TMEM41B: variants seen among roughly 807,000 people sequenced by gnomAD.
TMEM41B encodes protein stasimon.
TMEM41B carries 18 observed loss-of-function variants against 31.9 expected under a neutral mutation model. The ratio of observed to expected loss-of-function variants is 0.56; its 90% confidence interval spans 0.39 to 0.84. The LOEUF (loss-of-function observed/expected upper bound fraction) is 0.84, where lower values mean the gene tolerates loss of function less well. Ranked by LOEUF, TMEM41B falls within the 40% of genes least tolerant of loss-of-function variation. The pLI is 0.00. For synonymous variants in TMEM41B, 144 were observed against 124.3 expected (o/e 1.16, Z -1.05); for missense variants, 322 against 348.0 (o/e 0.93, Z 0.59).
rs74627095 is a variant in TMEM41B, at chr11:9,293,303, A to C, written c.368+1956T>G. Among the ~76,000 whole-genome samples the C allele has an allele frequency of 3.3e-3, 498 of 152,270 alleles. 2 individuals are homozygous for C. Among genetic ancestry groups the C allele is most frequent in the Middle Eastern group, 0.017 (5 of 294 alleles). ...TTTCTCGTAGAAACTGGGTCTAGCTACATTGCCCAAGCCAGTCTCGAACCA... is the reference window on the plus strand; with the variant it reads ...TTTCTCGTAGAAACTGGGTCTAGCTCCATTGCCCAAGCCAGTCTCGAACCA... On this transcript the variant is annotated intron_variant, in intron 3 of 6. Transcript: ENST00000528080.
At chr11:9,301,717 G>T (rs1434228211) in intron 1 of TMEM41B, among the ~76,000 whole-genome samples, 2 of 152,134 alleles carry the variant, frequency 1.3e-5, no homozygotes, top group East Asian at 3.8e-4. Flanking sequence ...AATCATTACT[G>T]GCTGACCAGA....
At chr11:9,302,830 AG>A (rs1853290365) in intron 1 of TMEM41B, among the ~76,000 whole-genome samples, 1 of 98,874 alleles carries the variant, frequency 1.0e-5, no homozygotes, top group Non-Finnish European at 2.2e-5. Context: ...CCAAAGAAGA[AG>A]GGTATACTAT....
chr11:9,296,998 A>G (rs1044686750), intron 2 of TMEM41B, among the ~76,000 whole-genome samples: 6 of 152,138 alleles, frequency 3.9e-5, no homozygotes, highest in Non-Finnish European at 7.4e-5. Flanking sequence ...TCATAGCTCA[A>G]TATTACCTCC....
chr11:9,294,449 T>C (rs916036091), intron 3 of TMEM41B, among the ~76,000 whole-genome samples: 10 of 149,946 alleles, frequency 6.7e-5, no homozygotes, highest in Non-Finnish European at 1.3e-4. Flanking sequence ...GACCAGAGAT[T>C]GTGCCTCCAG....
intron 3 of TMEM41B, among the ~76,000 whole-genome samples, chr11:9,294,063 T>C (rs1049687366): frequency 6.6e-6 from 1 of 150,986 alleles, no homozygotes; most frequent in Non-Finnish European, 1.5e-5. Context: ...TGCCTGTGGT[T>C]CCAGCTACTC....
chr11:9,312,851 C>A (rs149771018), intron 1 of TMEM41B, among the ~76,000 whole-genome samples: 8,716 of 147,482 alleles, frequency 0.059, 345 homozygotes, highest in South Asian at 0.1. Flanking sequence ...TTGCAGTGAG[C>A]CAAGATTGCG....
chr11:9,313,906 C>T (rs749132304), intron 1 of TMEM41B, among the ~76,000 whole-genome samples: 4 of 152,100 alleles, frequency 2.6e-5, no homozygotes, highest in Non-Finnish European at 5.9e-5. Context: ...GTCCTCGCTC[C>T]TAACTACTAC....
intron 1 of TMEM41B, among the ~76,000 whole-genome samples, chr11:9,313,387 A>G (rs1853609674): frequency 6.6e-6 from 1 of 152,228 alleles, no homozygotes; most frequent in Non-Finnish European, 1.5e-5. Flanking sequence ...TGGTGGTGGA[A>G]CACACCTATG....
Position 9,283,388 on chromosome 11 carries a change from G to C in TMEM41B, c.*36C>G. 6.5e-7 allele frequency: 1 copy of C among 1,537,228 alleles called. No individual in the cohort carries two copies. Among genetic ancestry groups the C allele is most frequent in the African/African-American group, 1.4e-5 (1 of 72,436 alleles). On this transcript the variant is annotated 3_prime_UTR_variant, in exon 7 of 7. Transcript: ENST00000528080. Reference sequence around the variant, plus strand: ...GGATGCACCTGTTAATCCTGAGATGGTGATGACAGCAAAACTAAAAATCAG... The same window carrying C: ...GGATGCACCTGTTAATCCTGAGATGCTGATGACAGCAAAACTAAAAATCAG...
intron 1 of TMEM41B, among the ~76,000 whole-genome samples, chr11:9,301,787 GAGCTAAA>G (rs1230358772): frequency 6.6e-6 from 1 of 152,172 alleles, no homozygotes; most frequent in African/African-American, 2.4e-5. Context: ...GTGGGACTTG[GAGCTAAA>G]AGGTTAAATG....
At chr11:9,293,974 G>T (rs1170079847) in intron 3 of TMEM41B, among the ~76,000 whole-genome samples, 1 of 149,874 alleles carries the variant, frequency 6.7e-6, no homozygotes, top group Non-Finnish European at 1.5e-5. Context: ...GGAGGCTGAG[G>T]AGCTCAGGAG....
chr11:9,285,300 G>T (rs1437683290), intron 6 of TMEM41B, among the ~76,000 whole-genome samples: 1 of 152,014 alleles, frequency 6.6e-6, no homozygotes, highest in African/African-American at 2.4e-5. Flanking sequence ...GGCCAGGCTG[G>T]TCTCGAACTC....
intron 2 of TMEM41B, among the ~76,000 whole-genome samples, chr11:9,298,314 C>G (rs912391909): frequency 1.3e-5 from 2 of 150,724 alleles, no homozygotes; most frequent in Non-Finnish European, 2.9e-5. Context: ...CAAAAATTAG[C>G]CGGGTGTGGT....
At chr11:9,292,556 G>C (rs1213859100) in intron 3 of TMEM41B, among the ~76,000 whole-genome samples, 1 of 152,080 alleles carries the variant, frequency 6.6e-6, no homozygotes, top group Non-Finnish European at 1.5e-5. Context: ...TAGGCCTGGT[G>C]ACTCACACCT....
chr11:9,311,096 C>T (rs1392831715), intron 1 of TMEM41B, among the ~76,000 whole-genome samples: 1 of 151,816 alleles, frequency 6.6e-6, no homozygotes, highest in Non-Finnish European at 1.5e-5. Context: ...ACAAGATGGC[C>T]AGGCCATGCC....
At chr11:9,303,286 G>A (rs547693129) in intron 1 of TMEM41B, among the ~76,000 whole-genome samples, 1 of 152,060 alleles carries the variant, frequency 6.6e-6, no homozygotes, top group South Asian at 2.1e-4. Flanking sequence ...TTACAGACGT[G>A]TGCTACCACA....
At chr11:9,295,101 G>A (rs1003786102) in intron 3 of TMEM41B, 158 bp downstream of exon 3, 1 of 992,160 alleles carries the variant, frequency 1.0e-6, no homozygotes, top group Non-Finnish European at 1.3e-6. Flanking sequence ...TAGGATTAAA[G>A]TGATAATTTT....
At chr11:9,300,956 G>A (rs929091577) in intron 1 of TMEM41B, among the ~76,000 whole-genome samples, 3 of 152,090 alleles carry the variant, frequency 2.0e-5, no homozygotes, top group Admixed American at 1.3e-4. Context: ...GTACGGGACT[G>A]TTTTCCCAGG....
At position 9,283,540 on chromosome 11, in the gene TMEM41B, G is replaced by C; in HGVS notation, c.760C>G (p.Leu254Val). Reference protein sequence around the residue: ...AIKAGTTLYQLTTAGEAVSWN... With the variant: ...AIKAGTTLYQVTTAGEAVSWN... ...GAAACAGCTTCTCCTGCTGTTGTAAGTTGATACAGTGTTGTTCCTGCCTTA... is the reference window on the plus strand; with the variant it reads ...GAAACAGCTTCTCCTGCTGTTGTAACTTGATACAGTGTTGTTCCTGCCTTA... The change falls in exon 7 of 7, where the codon CTT (leucine) becomes GTT (valine). Residue 254 changes from leucine (L) to valine (V), a missense_variant. Transcript: ENST00000528080. 1.2e-6 allele frequency: 2 copies of C among 1,613,458 alleles called. No individual in the cohort carries two copies. Among genetic ancestry groups the C allele is most frequent in the Non-Finnish European group, 1.7e-6 (2 of 1,179,786 alleles).
Sources: gnomAD v4.1 joint callset for allele counts (sites outside exome capture counted in the v4.1 genomes callset) on GRCh38, gnomAD v4.1.1 for gene constraint, MANE v1.5 for transcripts, NCBI Gene and HGNC (gene_info 2026-07-23, HGNC 2026-07-21) for gene names.